The following NAB1 variants were observed in gnomAD, a reference collection of about 807,000 sequenced individuals.
The protein encoded by NAB1 is NGFI-A binding protein 1, also known as NGFI-A-binding protein 1.
Under a neutral mutation model 49.9 loss-of-function variants are expected in NAB1, and 25 were observed. The observed-to-expected ratio is 0.50, with a 90% CI of 0.37 to 0.70. The LOEUF (loss-of-function observed/expected upper bound fraction) is 0.70. Among genes scored for constraint, NAB1 ranks in the 30% least tolerant of loss-of-function variants. NAB1 has a pLI of 0.00. For missense variants in NAB1, 489 were observed against 575.9 expected, an observed-to-expected ratio of 0.85 and a Z score of 1.54; for synonymous variants, 198 against 215.6, an observed-to-expected ratio of 0.92 and a Z score of 0.71.
In NAB1 at chr2:190,649,497, A is replaced by T. The variant is rs930736139; in HGVS notation, c.-334+137A>T. The T allele has an allele frequency of 1.3e-5, 2 of 151,508 alleles. No homozygotes were observed. The highest frequency in any genetic ancestry group is 4.8e-5 in the African/African-American group (2 of 41,294). The allele number at this position is 151,508 out of a possible 1,614,324, so 9.4% of individuals were successfully genotyped here. A position where few individuals can be genotyped will look rare whatever the true frequency, so the allele number is the denominator to read the frequency against. ...CACTTTGGGGGCGGTGTCCGGGGGA[A>T]GCGGGCTCCGCGCGGCCGCCGCCGG... On this transcript the variant is annotated intron_variant, in intron 1 of 9. Coordinates refer to ENST00000337386, the MANE Select transcript of NAB1 (RefSeq NM_005966.4). This position sits in a 1 kb window ranked among gnomAD's most constrained non-coding sequence, Gnocchi z 6.1.
At position 190,675,835 on chromosome 2, in the gene NAB1, A is replaced by G. The variant is rs183310852; in HGVS notation, c.1005+2683A>G. On this transcript the variant is annotated intron_variant, in intron 6 of 9. Coordinates refer to ENST00000337386, the MANE Select transcript of NAB1 (RefSeq NM_005966.4). This position sits in a 1 kb window ranked among gnomAD's most constrained non-coding sequence, Gnocchi z 5.2. ...TTCTTAAAAAGCACTTGTGTATTGCAGGTCATCAGTATCTCTTGAACGTGT... is the reference window on the plus strand; with the variant it reads ...TTCTTAAAAAGCACTTGTGTATTGCGGGTCATCAGTATCTCTTGAACGTGT... Among the ~76,000 whole-genome samples, 2 of 152,244 alleles carry G rather than the reference A, an allele frequency of 1.3e-5. No homozygotes were observed. The highest frequency in any genetic ancestry group is 4.8e-5 in the African/African-American group (2 of 41,538).
chr2:190,691,056 G>T lies in NAB1; in HGVS notation c.*723G>T, dbSNP rs1434066886. On this transcript the variant is annotated 3_prime_UTR_variant, in exon 10 of 10. Transcript: ENST00000337386. The surrounding 1 kb of genome is among the most constrained non-coding windows in gnomAD (Gnocchi z 4.1). ...AATATATCTTAAACTAGTTGACCTA[G>T]ATTGTATTAATAGCTACTTAAGATG... 6.6e-6 allele frequency: 1 copy of T among 152,544 alleles called. No individual in the cohort carries two copies. Among genetic ancestry groups the T allele is most frequent in the African/African-American group, 2.4e-5 (1 of 41,436 alleles). 9.4% of individuals were successfully genotyped at this position (152,544 alleles called of 1,614,324 possible).
rs1434066886 is a variant in NAB1 at position 190,691,056 on chromosome 2, G to A, written c.*723G>A. The A allele has an allele frequency of 6.6e-6, 1 of 152,544 alleles. No homozygotes were observed. Among genetic ancestry groups the A allele is most frequent in the African/African-American group, 2.4e-5 (1 of 41,436 alleles). The allele number at this position is 152,544 out of a possible 1,614,324, so 9.4% of individuals were successfully genotyped here. On this transcript the variant is annotated 3_prime_UTR_variant, in exon 10 of 10. Transcript: ENST00000337386. The surrounding 1 kb of genome is among the most constrained non-coding windows in gnomAD (Gnocchi z 4.1). Reference sequence around the variant, plus strand: ...AATATATCTTAAACTAGTTGACCTAGATTGTATTAATAGCTACTTAAGATG... The same window carrying A: ...AATATATCTTAAACTAGTTGACCTAAATTGTATTAATAGCTACTTAAGATG...
At chr2:190,661,696 A>G (rs1203200524) in intron 4 of NAB1, among the ~76,000 whole-genome samples, 2 of 152,220 alleles carry the variant, frequency 1.3e-5, no homozygotes, top group Non-Finnish European at 2.9e-5. Flanking sequence ...GAGACCATGA[A>G]TTTCACAAAA....
chr2:190,664,670 G>A (rs760683151), intron 4 of NAB1, among the ~76,000 whole-genome samples: 6 of 122,492 alleles, frequency 4.9e-5, no homozygotes, highest in African/African-American at 1.2e-4. Context: ...GGGCTCAAGC[G>A]ATCTATCTGC....
chr2:190,662,865 ACT>A (rs927254573), intron 4 of NAB1, among the ~76,000 whole-genome samples: 1 of 152,104 alleles, frequency 6.6e-6, no homozygotes, highest in Non-Finnish European at 1.5e-5. Context: ...AGCAGAAGAA[ACT>A]CTGCAGGAAT....
Position 190,652,872 on chromosome 2 carries a change from G to A in NAB1, c.-197+2890G>A, listed in dbSNP as rs1574411877. Among the ~76,000 whole-genome samples the A allele has an allele frequency of 6.6e-6, 1 of 152,292 alleles. No individual in the cohort carries two copies. Among genetic ancestry groups the A allele is most frequent in the East Asian group, 1.9e-4 (1 of 5,184 alleles). On this transcript the variant is annotated intron_variant, in intron 2 of 9. Coordinates refer to ENST00000337386, the MANE Select transcript of NAB1 (RefSeq NM_005966.4). This position sits in a 1 kb window ranked among gnomAD's most constrained non-coding sequence, Gnocchi z 4.2. ...AGCTTGAGTTCTGGGTCTAGGATGA[G>A]AATAAAAGCGAAAATAATTAATTGC... is the stretch of plus-strand genomic sequence containing the variant.
rs1443762725 is a variant in NAB1, at chr2:190,683,863, A to G, written c.1095+36A>G. 4.0e-6 allele frequency: 6 copies of G among 1,487,856 alleles called. No homozygotes were observed. The East Asian group carries it at 1.1e-4, about 28-fold the overall frequency. 92.2% of individuals were successfully genotyped at this position (1,487,856 alleles called of 1,614,324 possible). On this transcript the variant is annotated intron_variant, in intron 7 of 9. Coordinates refer to ENST00000337386, the MANE Select transcript of NAB1 (RefSeq NM_005966.4). ...CTCCCAGTTATTACTCCATGATAGT[A>G]TCTGAAGGTTAAAAAATAAATGACT...
intron 4 of NAB1, among the ~76,000 whole-genome samples, chr2:190,660,751 C>G (rs530595874): frequency 4.6e-5 from 7 of 152,066 alleles, no homozygotes; most frequent in Non-Finnish European, 1.0e-4. Context: ...CCTACATATA[C>G]TTTTGTCACA....
chr2:190,654,054 C>T lies in NAB1; in HGVS notation c.-196-1923C>T, dbSNP rs1301450987. Reference sequence around the variant, plus strand: ...AATATGAAAGGTTGCTGATCAGATTCTGACTCAGACATTGGGTTTCATTGC... The same window carrying T: ...AATATGAAAGGTTGCTGATCAGATTTTGACTCAGACATTGGGTTTCATTGC... On this transcript the variant is annotated intron_variant, in intron 2 of 9. Coordinates refer to ENST00000337386, the MANE Select transcript of NAB1 (RefSeq NM_005966.4). The surrounding 1 kb of genome is among the most constrained non-coding windows in gnomAD (Gnocchi z 5.6). Among the ~76,000 whole-genome samples, 1 of 152,216 alleles carries T rather than the reference C, an allele frequency of 6.6e-6. No individual in the cohort carries two copies. The highest frequency in any genetic ancestry group is 1.5e-5 in the Non-Finnish European group (1 of 68,044).
Position 190,654,126 on chromosome 2 carries a change from G to A in NAB1, c.-196-1851G>A, listed in dbSNP as rs1693804597. 1.3e-5 allele frequency among the ~76,000 whole-genome samples: 2 copies of A among 152,176 alleles called. No homozygotes were observed. The highest frequency in any genetic ancestry group is 4.8e-5 in the African/African-American group (2 of 41,440). On this transcript the variant is annotated intron_variant, in intron 2 of 9. Coordinates refer to ENST00000337386, the MANE Select transcript of NAB1 (RefSeq NM_005966.4). The surrounding 1 kb of genome is among the most constrained non-coding windows in gnomAD (Gnocchi z 5.6). The stretch of plus-strand genomic sequence containing the variant: ...TTATTCATCATTGAAACTTTGCTAG[G>A]AATAAATGGGGATAAAAGAGTAATG...
In NAB1 at chr2:190,680,442, C is replaced by G. The variant is rs553001198; in HGVS notation, c.1006-3296C>G. On this transcript the variant is annotated intron_variant, in intron 6 of 9. Transcript: ENST00000337386. The surrounding 1 kb of genome is among the most constrained non-coding windows in gnomAD (Gnocchi z 5.2). ...TTTTGGAACTCTCAGCCTAGACACC[C>G]TGGCCTCTGGGATGCCTGCTCTGCC... 2.0e-5 allele frequency among the ~76,000 whole-genome samples: 3 copies of G among 152,316 alleles called. No individual in the cohort carries two copies. Among genetic ancestry groups the G allele is most frequent in the Admixed American group, 1.3e-4 (2 of 15,306 alleles).
In NAB1 at chr2:190,690,338, G is replaced by A. The variant is rs778309391; in HGVS notation, c.*5G>A. ...GAGCCTGAAGATTCAAGATAGCTGT[G>A]ATTTCTCTCACCGTTCTCTGGAAAT... On this transcript the variant is annotated 3_prime_UTR_variant, in exon 10 of 10. Coordinates refer to ENST00000337386, the MANE Select transcript of NAB1 (RefSeq NM_005966.4). The A allele has an allele frequency of 6.3e-7, 1 of 1,596,202 alleles. No individual in the cohort carries two copies. Among genetic ancestry groups the A allele is most frequent in the South Asian group, 1.1e-5 (1 of 90,668 alleles).
At chr2:190,653,581 A>G (rs1693775632) in intron 2 of NAB1, 1 of 152,152 alleles carries the variant, frequency 6.6e-6, no homozygotes, top group Non-Finnish European at 1.5e-5. Flanking sequence ...GTATTGCTAT[A>G]TATGTTTGTG....
At chr2:190,653,209 A>G (rs921318377) in intron 2 of NAB1, among the ~76,000 whole-genome samples, 1 of 152,160 alleles carries the variant, frequency 6.6e-6, no homozygotes, top group Non-Finnish European at 1.5e-5. Flanking sequence ...CTGAACTTGG[A>G]ATACTTCAGA....
rs1179099024 is a variant in NAB1 at position 190,670,960 on chromosome 2, T to C, written c.953+501T>C. On this transcript the variant is annotated intron_variant, in intron 5 of 9. Transcript: ENST00000337386. This position sits in a 1 kb window ranked among gnomAD's most constrained non-coding sequence, Gnocchi z 5.3. ...AGCACATGGGTTATGGAACACAAGTTTGAAATAAAACGTGATGTTAAAAAG... is the reference window on the plus strand; with the variant it reads ...AGCACATGGGTTATGGAACACAAGTCTGAAATAAAACGTGATGTTAAAAAG... 6.6e-6 allele frequency among the ~76,000 whole-genome samples: 1 copy of C among 152,196 alleles called. No individual in the cohort carries two copies. The highest frequency in any genetic ancestry group is 1.9e-4 in the East Asian group (1 of 5,204).
rs1694952156 is a variant in NAB1, at chr2:190,674,001, G to T, written c.1005+849G>T. Among the ~76,000 whole-genome samples the T allele has an allele frequency of 6.6e-6, 1 of 152,156 alleles. No homozygotes were observed. Among genetic ancestry groups the T allele is most frequent in the South Asian group, 2.1e-4 (1 of 4,820 alleles). On this transcript the variant is annotated intron_variant, in intron 6 of 9. Transcript: ENST00000337386. The surrounding 1 kb of genome is among the most constrained non-coding windows in gnomAD (Gnocchi z 5.7). ...TAGCCATCCTATTATTTAATTTCAA[G>T]TTAAAGCAAATAATCTATGCTTGAC...
intron 6 of NAB1, among the ~76,000 whole-genome samples, chr2:190,673,579 T>C (rs1288058327): frequency 6.6e-6 from 1 of 152,228 alleles, no homozygotes; most frequent in African/African-American, 2.4e-5. Flanking sequence ...CGGTGTTTCT[T>C]ACAGATTTAA....
Position 190,683,726 on chromosome 2 carries a change from T to C in NAB1, c.1006-12T>C. 1.3e-6 allele frequency: 2 copies of C among 1,598,000 alleles called. No individual in the cohort carries two copies. The highest frequency in any genetic ancestry group is 1.7e-6 in the Non-Finnish European group (2 of 1,170,552). On this transcript the variant is annotated splice_polypyrimidine_tract_variant and intron_variant, in intron 6 of 9. Transcript: ENST00000337386. ...AACTCTAAATATAAAGGACTTCTTA[T>C]TTGACCCACAGGATGGGTTTCCAGA...
Sources: gnomAD v4.1 joint callset for allele counts (sites outside exome capture counted in the v4.1 genomes callset) on GRCh38, gnomAD v4.1.1 for gene constraint, Gnocchi (gnomAD v3.1) non-coding constraint, MANE v1.5 for transcripts, NCBI Gene and HGNC (gene_info 2026-07-23, HGNC 2026-07-21) for gene names.